Variants in TBC1D12 observed in about 807,000 individuals in gnomAD.
The protein encoded by TBC1D12 is TBC1 domain family member 12.
In TBC1D12, 56 loss-of-function variants were observed where a neutral mutation model predicts 86.7. The ratio of observed to expected loss-of-function variants is 0.65; its 90% CI spans 0.52 to 0.81. The LOEUF (loss-of-function observed/expected upper bound fraction) is 0.81, where lower values mean the gene tolerates loss of function less well. Ranked by LOEUF, TBC1D12 falls within the 30% of genes least tolerant of loss-of-function variation. TBC1D12 has a pLI of 0.00. For synonymous variants in TBC1D12, 421 were observed against 411.7 expected (o/e 1.02, Z -0.27); for missense variants, 1,023 against 1,038.8 (o/e 0.98, Z 0.21).
intron 2 of TBC1D12, among the ~76,000 whole-genome samples, chr10:94,453,006 T>C (rs897085475): frequency 5.3e-5 from 8 of 152,186 alleles, no homozygotes; most frequent in Non-Finnish European, 8.8e-5. Context: ...CTCATTGTCT[T>C]AATTTGCAGT....
chr10:94,461,547 T>C (rs1183023264), intron 2 of TBC1D12, among the ~76,000 whole-genome samples: 2 of 152,244 alleles, frequency 1.3e-5, no homozygotes, highest in Non-Finnish European at 2.9e-5. Flanking sequence ...GTAGAGTTCC[T>C]GGAAATAAAA....
intron 6 of TBC1D12, among the ~76,000 whole-genome samples, chr10:94,503,876 C>T (rs749427217): frequency 6.6e-6 from 1 of 152,190 alleles, no homozygotes; most frequent in African/African-American, 2.4e-5. Flanking sequence ...AGGCCCACCT[C>T]GGCCTCCCAA....
intron 2 of TBC1D12, among the ~76,000 whole-genome samples, chr10:94,450,601 C>T (rs180814922): frequency 6.6e-6 from 1 of 152,054 alleles, no homozygotes; most frequent in East Asian, 1.9e-4. Context: ...AAAAATAATT[C>T]TGGAGGGATT....
intron 7 of TBC1D12, among the ~76,000 whole-genome samples, 180 bp downstream of exon 7, chr10:94,507,527 C>A (rs1013577151): frequency 2.2e-4 from 34 of 152,054 alleles, no homozygotes; most frequent in African/African-American, 8.0e-4. Context: ...ATCCTAAGAC[C>A]TCTTAGCTAT....
intron 2 of TBC1D12, among the ~76,000 whole-genome samples, chr10:94,465,645 T>TA (rs774961028): frequency 0.016 from 2,084 of 130,854 alleles, 25 homozygotes; most frequent in Non-Finnish European, 0.019. Flanking sequence ...GACTCTTGCC[T>TA]AAAAAAAAAA....
intron 2 of TBC1D12, among the ~76,000 whole-genome samples, chr10:94,466,826 G>C (rs533069188): frequency 6.6e-6 from 1 of 152,146 alleles, no homozygotes; most frequent in African/African-American, 2.4e-5. Flanking sequence ...TTCTATTAAA[G>C]TCCTATTTCT....
At chr10:94,412,157 A>G (rs2054936575) in intron 1 of TBC1D12, among the ~76,000 whole-genome samples, 1 of 152,206 alleles carries the variant, frequency 6.6e-6, no homozygotes, top group Non-Finnish European at 1.5e-5. Flanking sequence ...CAACTCATCC[A>G]TAAAATGGGG....
At chr10:94,493,521 T>C (rs2056274472) in intron 4 of TBC1D12, 74 bp downstream of exon 4, 1 of 1,096,498 alleles carries the variant, frequency 9.1e-7, no homozygotes, top group South Asian at 1.4e-5. Context: ...TCATCAAGTC[T>C]GTCTTCAAGA....
At chr10:94,457,053 C>T (rs886887636) in intron 2 of TBC1D12, among the ~76,000 whole-genome samples, 1 of 152,110 alleles carries the variant, frequency 6.6e-6, no homozygotes. Context: ...CTATATGTGC[C>T]TTTATACTTA....
chr10:94,482,322 C>T (rs962404160), intron 3 of TBC1D12, among the ~76,000 whole-genome samples: 62 of 151,234 alleles, frequency 4.1e-4, no homozygotes, highest in African/African-American at 1.2e-3. Context: ...CAATGGTTCC[C>T]GCTTTTGTTC....
intron 2 of TBC1D12, among the ~76,000 whole-genome samples, chr10:94,470,114 A>G (rs2055882659): frequency 6.6e-6 from 1 of 152,166 alleles, no homozygotes; most frequent in Admixed American, 6.5e-5. Flanking sequence ...TTACGTCTTC[A>G]AATCACGTGG....
chr10:94,500,380 G>A (rs2056379305), intron 6 of TBC1D12, 53 bp downstream of exon 6: 1 of 1,480,140 alleles, frequency 6.8e-7, no homozygotes, highest in Admixed American at 1.9e-5. Flanking sequence ...CATCTACAGA[G>A]TTACATAGCA....
Position 94,423,342 on chromosome 10 carries a change from CTTTTTTTTT to C in TBC1D12, c.972-18540_972-18532del, listed in dbSNP as rs71486719. ...AATTATCAGTTCAAGCATTCACCAT[CTTTTTTTTT>C]TTTTTTTTTTTTTGAGATGGAGTCT... On this transcript the variant is annotated intron_variant, in intron 1 of 12. Transcript: ENST00000225235. Among the ~76,000 whole-genome samples, 40 of 94,204 alleles carry C rather than the reference CTTTTTTTTT, an allele frequency of 4.2e-4. 1 individual carries two copies. Among genetic ancestry groups the C allele is most frequent in the African/African-American group, 1.6e-3 (40 of 25,738 alleles). The allele number at this position is 94,204 out of a possible 152,430, so 61.8% of individuals were successfully genotyped here.
intron 1 of TBC1D12, among the ~76,000 whole-genome samples, chr10:94,423,304 C>T (rs1167370009): frequency 6.6e-6 from 1 of 151,668 alleles, no homozygotes; most frequent in Non-Finnish European, 1.5e-5. Flanking sequence ...TGAAGCTGTA[C>T]CAGCTCTACA....
At chr10:94,475,934 CT>C (rs2055981564) in intron 3 of TBC1D12, among the ~76,000 whole-genome samples, 1 of 151,668 alleles carries the variant, frequency 6.6e-6, no homozygotes, top group South Asian at 2.1e-4. Context: ...CCCTCTCTTT[CT>C]TTTTAATTTA....
intron 3 of TBC1D12, among the ~76,000 whole-genome samples, chr10:94,478,068 G>T (rs779944869): frequency 1.3e-5 from 2 of 152,004 alleles, no homozygotes; most frequent in Non-Finnish European, 2.9e-5. Flanking sequence ...ATCGCTTGAG[G>T]CCAGGAGTTC....
intron 3 of TBC1D12, among the ~76,000 whole-genome samples, chr10:94,486,022 G>A (rs1431169373): frequency 2.0e-5 from 3 of 150,468 alleles, no homozygotes; most frequent in African/African-American, 7.3e-5. Context: ...CTGGCTAAAG[G>A]TTTCTCAATT....
chr10:94,402,980 G>C lies in TBC1D12; in HGVS notation c.367G>C (p.Ala123Pro). ...SGSKHRGAEV[A>P]DGRAPRHEGM... is the part of the protein sequence containing the mutation. ...CTCCAAACACCGCGGCGCGGAGGTGGCTGATGGCCGCGCGCCGCGGCACGA... is the reference window on the plus strand; with the variant it reads ...CTCCAAACACCGCGGCGCGGAGGTGCCTGATGGCCGCGCGCCGCGGCACGA... The change falls in exon 1 of 13, where the codon GCT becomes CCT. Residue 123 changes from alanine to proline, a missense_variant. Coordinates refer to ENST00000225235, the MANE Select transcript of TBC1D12 (RefSeq NM_015188.2). 6.3e-7 allele frequency: 1 copy of C among 1,575,386 alleles called. No homozygotes were observed. The highest frequency in any genetic ancestry group is 8.6e-7 in the Non-Finnish European group (1 of 1,165,378).
At position 94,501,043 on chromosome 10, in the gene TBC1D12, G is replaced by A. The variant is rs145574547; in HGVS notation, c.1519+716G>A. On this transcript the variant is annotated intron_variant, in intron 6 of 12. Transcript: ENST00000225235. ...TGCACTCCAGCCTGGGCAAAAGAGC[G>A]AGACTCTATCTCAAATGAATGAATG... 1.7e-3 allele frequency among the ~76,000 whole-genome samples: 260 copies of A among 151,674 alleles called. 3 individuals are homozygous for A. Among genetic ancestry groups the A allele is most frequent in the Admixed American group, 3.6e-3 (55 of 15,234 alleles).
Sources: allele counts gnomAD v4.1 joint callset (sites outside exome capture counted in the v4.1 genomes callset), GRCh38; gene constraint gnomAD v4.1.1; transcripts MANE v1.5; gene names NCBI Gene and HGNC (gene_info 2026-07-23, HGNC 2026-07-21).